TTC39C: variants seen among roughly 807,000 people sequenced by gnomAD.
The protein encoded by TTC39C is tetratricopeptide repeat domain 39C.
A neutral mutation model predicts 76.3 loss-of-function variants in TTC39C; 33 were observed. The observed-to-expected ratio is 0.43, with a 90% CI of 0.33 to 0.58. The LOEUF (loss-of-function observed/expected upper bound fraction) is 0.58. Ranked by LOEUF, TTC39C falls within the 20% of genes least tolerant of loss-of-function variation. TTC39C has a pLI of 0.04. For missense variants in TTC39C, 595 were observed against 701.4 expected, an observed-to-expected ratio of 0.85 and a Z score of 1.71; for synonymous variants, 254 against 260.6, an observed-to-expected ratio of 0.97 and a Z score of 0.24.
At chr18:24,102,636 G>A (rs568099906) in intron 6 of TTC39C, among the ~76,000 whole-genome samples, 32 of 152,236 alleles carry the variant, frequency 2.1e-4, no homozygotes, top group African/African-American at 6.3e-4. Flanking sequence ...GCAGGTTCCC[G>A]TTTTGGGCTC....
rs1289679489 is a variant in TTC39C, at chr18:24,114,631, C to T, written c.1062C>T (p.Val354=). 1 of 1,612,980 alleles carries T rather than the reference C, an allele frequency of 6.2e-7. No individual in the cohort carries two copies. Among genetic ancestry groups the T allele is most frequent in the South Asian group, 1.1e-5 (1 of 91,026 alleles). The change falls in exon 7 of 14, where the codon GTC becomes GTT. Residue 354 remains valine (V), a synonymous_variant. Coordinates refer to ENST00000317571, the MANE Select transcript of TTC39C (RefSeq NM_001135993.2). ...LAVDQREIQH[V]CLYEIGWCSM... is the part of the protein sequence containing the mutation. ...TAGACCAGAGAGAAATTCAACATGTCTGTCTGTATGAAATTGGTAAATATG... is the reference window on the plus strand; with the variant it reads ...TAGACCAGAGAGAAATTCAACATGTTTGTCTGTATGAAATTGGTAAATATG...
At chr18:24,023,946 GCATGT>G (rs1568408663) in intron 1 of TTC39C, among the ~76,000 whole-genome samples, 252 of 16,564 alleles carry the variant, frequency 0.015, 9 homozygotes, top group Admixed American at 0.092. Flanking sequence ...ATATATATAT[GCATGT>G]ATATATATAT....
At chr18:24,056,295 C>T (rs571299200) in intron 1 of TTC39C, among the ~76,000 whole-genome samples, 13 of 152,186 alleles carry the variant, frequency 8.5e-5, no homozygotes, top group South Asian at 2.1e-4. Flanking sequence ...CAGGTGGCCC[C>T]GTGCTTCGTT....
intron 1 of TTC39C, among the ~76,000 whole-genome samples, chr18:24,062,975 C>T (rs2084117751): frequency 6.6e-6 from 1 of 152,176 alleles, no homozygotes; most frequent in African/African-American, 2.4e-5. Flanking sequence ...CCCGTAGACC[C>T]ACACATACTC....
chr18:24,010,893 C>A (rs372773211), upstream of TTC39C, among the ~76,000 whole-genome samples: 1 of 151,998 alleles, frequency 6.6e-6, no homozygotes, highest in Admixed American at 6.6e-5. Context: ...ACAAAACATA[C>A]GAAAATTAGC....
chr18:24,123,742 C>CTT (rs58104245), intron 8 of TTC39C, 92 bp from the exon 9 acceptor site: 967 of 743,084 alleles, frequency 1.3e-3, no homozygotes, highest in East Asian at 7.4e-3. Context: ...TTTGCTCCTG[C>CTT]TTTTTTTTTT....
intron 1 of TTC39C, chr18:24,020,433 A>C (rs898542744): frequency 2.2e-6 from 1 of 454,914 alleles, no homozygotes; most frequent in Admixed American, 6.4e-5. Context: ...GTACAAATAC[A>C]CAATGCGAAA....
chr18:24,067,427 C>A (rs2084179902), intron 3 of TTC39C, among the ~76,000 whole-genome samples: 1 of 152,150 alleles, frequency 6.6e-6, no homozygotes. Flanking sequence ...GGCCATGGAC[C>A]CGTACTGGTC....
intron 1 of TTC39C, among the ~76,000 whole-genome samples, chr18:24,015,923 G>A (rs1266866719): frequency 6.6e-6 from 1 of 152,218 alleles, no homozygotes; most frequent in Non-Finnish European, 1.5e-5. Context: ...TTTGCCGTCT[G>A]ATTGTTGACG....
chr18:24,023,950 G>C (rs55780581), intron 1 of TTC39C, among the ~76,000 whole-genome samples: 283 of 16,884 alleles, frequency 0.017, 10 homozygotes, highest in Non-Finnish European at 0.059. Context: ...ATATATGCAT[G>C]TATATATATA....
In TTC39C at chr18:24,108,212, C is replaced by T. The variant is rs1012805576; in HGVS notation, c.985-6342C>T. Among the ~76,000 whole-genome samples the T allele has an allele frequency of 2.6e-5, 4 of 152,172 alleles. No individual in the cohort carries two copies. In the East Asian group the frequency reaches 7.7e-4, roughly 29 times the overall value. On this transcript the variant is annotated intron_variant, in intron 6 of 13. Coordinates refer to ENST00000317571, the MANE Select transcript of TTC39C (RefSeq NM_001135993.2). ...TGAAGTGACACCAACATTATTTTCACGCCAGCAGACAGGGCTCTGAACTGA... is the reference window on the plus strand; with the variant it reads ...TGAAGTGACACCAACATTATTTTCATGCCAGCAGACAGGGCTCTGAACTGA...
At position 24,113,651 on chromosome 18, in the gene TTC39C, A is replaced by T. The variant is rs1249528834; in HGVS notation, c.985-903A>T. 5 of 702,182 alleles carry T rather than the reference A, an allele frequency of 7.1e-6. No homozygotes were observed. The Admixed American group carries it at 8.0e-5, about 11-fold the overall frequency. The allele number at this position is 702,182 out of a possible 1,614,324, so 43.5% of individuals were successfully genotyped here. A position where few individuals can be genotyped will look rare whatever the true frequency, so the allele number is the denominator to read the frequency against. ...CTGTCAGGTCGTCTGGCTGTTTAAG[A>T]TTTATTTATTAATGGTATGTGACAT... On this transcript the variant is annotated intron_variant, in intron 6 of 13. Transcript: ENST00000317571.
intron 4 of TTC39C, among the ~76,000 whole-genome samples, chr18:24,069,885 C>A (rs893542880): frequency 1.3e-5 from 2 of 152,116 alleles, no homozygotes; most frequent in Non-Finnish European, 2.9e-5. Flanking sequence ...TGACCTAATT[C>A]TTTTAATTAT....
intron 1 of TTC39C, among the ~76,000 whole-genome samples, chr18:23,996,312 G>T (rs1420607799): frequency 6.6e-6 from 1 of 152,218 alleles, no homozygotes; most frequent in Non-Finnish European, 1.5e-5. Context: ...TTCCCTAAGT[G>T]TATCTACTAT....
At chr18:24,121,241 C>T (rs1233876483) in intron 8 of TTC39C, among the ~76,000 whole-genome samples, 1 of 152,144 alleles carries the variant, frequency 6.6e-6, no homozygotes. Flanking sequence ...TTAGGATAAA[C>T]CAGAGACTCC....
intron 4 of TTC39C, among the ~76,000 whole-genome samples, chr18:24,076,210 C>T (rs1024360845): frequency 7.2e-5 from 11 of 152,106 alleles, no homozygotes; most frequent in African/African-American, 2.7e-4. Flanking sequence ...GAACTCCTGA[C>T]CTCAAGTGAT....
intron 6 of TTC39C, among the ~76,000 whole-genome samples, chr18:24,094,054 A>G (rs1257192022): frequency 6.6e-6 from 1 of 152,194 alleles, no homozygotes; most frequent in East Asian, 1.9e-4. Flanking sequence ...TTCAAAATTA[A>G]GTCAATTCTC....
At chr18:24,107,029 G>T (rs1445057278) in intron 6 of TTC39C, among the ~76,000 whole-genome samples, 1 of 152,114 alleles carries the variant, frequency 6.6e-6, no homozygotes, top group Non-Finnish European at 1.5e-5. Flanking sequence ...ATCCCCAAAA[G>T]AACTCGGCCT....
chr18:24,003,119 C>T (rs2083326629), intron 1 of TTC39C, among the ~76,000 whole-genome samples: 1 of 152,142 alleles, frequency 6.6e-6, no homozygotes, highest in Admixed American at 6.5e-5. Context: ...CGTCTCTGGC[C>T]ACTTCCTGCC....
Sources: gnomAD v4.1 joint callset for allele counts (sites outside exome capture counted in the v4.1 genomes callset) on GRCh38, gnomAD v4.1.1 for gene constraint, MANE v1.5 for transcripts, NCBI Gene and HGNC (gene_info 2026-07-23, HGNC 2026-07-21) for gene names.